ARID2: variants seen among roughly 807,000 people sequenced by gnomAD.
ARID2 encodes AT-rich interaction domain 2, also known as AT-rich interactive domain-containing protein 2.
ARID2 carries 32 observed loss-of-function variants against 184.6 expected under a neutral mutation model. The observed-to-expected ratio is 0.17, with a 90% CI of 0.13 to 0.23. The LOEUF (loss-of-function observed/expected upper bound fraction) is 0.23, where lower values mean the gene tolerates loss of function less well. Ranked by LOEUF, ARID2 falls within the 10% of genes least tolerant of loss-of-function variation. The pLI, the probability that ARID2 is intolerant of heterozygous loss-of-function variation, is 1.00. For missense variants in ARID2, 1,696 were observed against 2,197.6 expected, an observed-to-expected ratio of 0.77 and a Z score of 4.56; for synonymous variants, 836 against 772.6, an observed-to-expected ratio of 1.08 and a Z score of -1.36.
chr12:45,901,004 A>G (rs1246500508), intron 20 of ARID2, among the ~76,000 whole-genome samples: 8 of 151,576 alleles, frequency 5.3e-5, no homozygotes, highest in Non-Finnish European at 8.8e-5. Flanking sequence ...TGTTGTTTTC[A>G]TTGAAGTCAT....
chr12:45,849,844 T>C (rs1943509493), intron 14 of ARID2, 68 bp downstream of exon 14: 2 of 1,470,204 alleles, frequency 1.4e-6, no homozygotes, highest in Non-Finnish European at 1.8e-6. Context: ...AAAATATATA[T>C]TCTATGCATT....
intron 11 of ARID2, chr12:45,841,709 T>C (rs1316035612): frequency 1.3e-5 from 2 of 152,240 alleles, no homozygotes; most frequent in African/African-American, 4.8e-5. Flanking sequence ...ACAGTGCTTT[T>C]TGTATGCAGT....
At position 45,729,825 on chromosome 12, in the gene ARID2, T is replaced by G. The variant is rs371270329; in HGVS notation, c.-12T>G. On this transcript the variant is annotated 5_prime_UTR_variant, in exon 1 of 21. Transcript: ENST00000334344. ...CGATCTGGGTTTTTTAAAAACCTCCTTTGAAAAAATAATGGCAAACTCGAC... is the reference window on the plus strand; with the variant it reads ...CGATCTGGGTTTTTTAAAAACCTCCGTTGAAAAAATAATGGCAAACTCGAC... 4.4e-5 allele frequency: 71 copies of G among 1,603,442 alleles called. No homozygotes were observed. Among genetic ancestry groups the G allele is most frequent in the African/African-American group, 6.7e-5 (5 of 74,672 alleles).
chr12:45,905,231 T>A lies in ARID2; in HGVS notation c.*153T>A. 1 of 652,032 alleles carries A rather than the reference T, an allele frequency of 1.5e-6. No individual in the cohort carries two copies. Among genetic ancestry groups the A allele is most frequent in the Non-Finnish European group, 2.3e-6 (1 of 429,924 alleles). 40.4% of individuals were successfully genotyped at this position (652,032 alleles called of 1,614,324 possible). A position where few individuals can be genotyped will look rare whatever the true frequency, so the allele number is the denominator to read the frequency against. On this transcript the variant is annotated 3_prime_UTR_variant, in exon 21 of 21. Transcript: ENST00000334344. ...GCTGAGAGGAAGCTTCGTATTCTGATCTCTGAGTGAATCCCTTTGTTCTCT... is the reference window on the plus strand; with the variant it reads ...GCTGAGAGGAAGCTTCGTATTCTGAACTCTGAGTGAATCCCTTTGTTCTCT...
At chr12:45,902,337 T>A (rs965771601) in intron 20 of ARID2, among the ~76,000 whole-genome samples, 2 of 152,156 alleles carry the variant, frequency 1.3e-5, no homozygotes, top group Non-Finnish European at 2.9e-5. Flanking sequence ...ATCATCCTAG[T>A]GATTTCAGTT....
intron 3 of ARID2, among the ~76,000 whole-genome samples, chr12:45,763,792 A>G (rs1326740078): frequency 6.6e-6 from 1 of 152,070 alleles, no homozygotes; most frequent in Non-Finnish European, 1.5e-5. Context: ...TGCCTGGCTG[A>G]TTGTTATTGT....
chr12:45,743,924 A>G (rs902959318), intron 3 of ARID2, among the ~76,000 whole-genome samples: 26 of 152,292 alleles, frequency 1.7e-4, no homozygotes, highest in Non-Finnish European at 3.8e-4. Context: ...TTATTTATAT[A>G]AAAGCTGTTG....
At chr12:45,733,486 T>C (rs1291345946) in intron 3 of ARID2, among the ~76,000 whole-genome samples, 1 of 152,248 alleles carries the variant, frequency 6.6e-6, no homozygotes, top group East Asian at 1.9e-4. Flanking sequence ...TCATCATTAC[T>C]GATGAGCAGA....
At chr12:45,900,130 G>A (rs934486588) in intron 20 of ARID2, among the ~76,000 whole-genome samples, 13 of 151,898 alleles carry the variant, frequency 8.6e-5, no homozygotes, top group African/African-American at 2.2e-4. Flanking sequence ...GCGTGATCTC[G>A]GCTCATTTCA....
chr12:45,815,589 CT>C (rs1942790285), intron 4 of ARID2, among the ~76,000 whole-genome samples: 1 of 149,864 alleles, frequency 6.7e-6, no homozygotes, highest in African/African-American at 2.5e-5. Context: ...TTGCATCCTA[CT>C]TAAAGAGATT....
At chr12:45,801,861 A>G (rs1241984329) in intron 3 of ARID2, among the ~76,000 whole-genome samples, 1 of 152,138 alleles carries the variant, frequency 6.6e-6, no homozygotes, top group African/African-American at 2.4e-5. Context: ...CATATAAACA[A>G]TTGGTGTATC....
chr12:45,850,425 G>A lies in ARID2; in HGVS notation c.2302G>A (p.Val768Ile), dbSNP rs1357948834. ...TCAGACATTGCTTCACCATCCATCT[G>A]TAATTCCACAGCAGTCTCCATTACA... ...NSQTLLHHPSVIPQQSPLHTV... is the reference protein window; with the variant it reads ...NSQTLLHHPSIIPQQSPLHTV... The change falls in exon 15 of 21, where the codon GTA (valine) becomes ATA (isoleucine). Residue 768 changes from valine (V) to isoleucine (I), a missense_variant. By Grantham distance (29) the Val-to-Ile change is conservative. Coordinates refer to ENST00000334344, the MANE Select transcript of ARID2 (RefSeq NM_152641.4). The A allele has an allele frequency of 6.8e-6, 11 of 1,614,012 alleles. No individual in the cohort carries two copies. The highest frequency in any genetic ancestry group is 9.3e-6 in the Non-Finnish European group (11 of 1,179,966).
intron 15 of ARID2, among the ~76,000 whole-genome samples, chr12:45,855,226 A>G (rs1199740225): frequency 2.0e-5 from 3 of 152,238 alleles, no homozygotes; most frequent in Non-Finnish European, 2.9e-5. Flanking sequence ...AAAATGCTTT[A>G]CTTAGCACAT....
chr12:45,797,874 A>T (rs1942419656), intron 3 of ARID2, among the ~76,000 whole-genome samples: 1 of 151,950 alleles, frequency 6.6e-6, no homozygotes, highest in Non-Finnish European at 1.5e-5. Context: ...ATCTTTTAAT[A>T]TATTATTTTT....
chr12:45,893,387 T>TTCTCTCTC, intron 18 of ARID2, 33 bp from the exon 19 acceptor site: 3 of 1,462,722 alleles, frequency 2.1e-6, no homozygotes, highest in African/African-American at 1.4e-5. Flanking sequence ...ATCACGTTAA[T>TTCTCTCTC]TCTCTCTCTC....
At chr12:45,737,840 G>GGCACCTGCTCAAGCT (rs1160225165) in intron 3 of ARID2, among the ~76,000 whole-genome samples, 1 of 152,032 alleles carries the variant, frequency 6.6e-6, no homozygotes, top group Non-Finnish European at 1.5e-5. Flanking sequence ...CTGGTCTAGG[G>GGCACCTGCTCAAGCT]GCACCTGCTC....
chr12:45,730,343 T>G (rs1399335059), intron 2 of ARID2, among the ~76,000 whole-genome samples: 1 of 145,738 alleles, frequency 6.9e-6, no homozygotes, highest in Non-Finnish European at 1.5e-5. Context: ...GGCGCGGGGC[T>G]CCGGCGGGCG....
chr12:45,802,012 C>G (rs1942512154), intron 3 of ARID2, among the ~76,000 whole-genome samples: 1 of 152,084 alleles, frequency 6.6e-6, no homozygotes, highest in Admixed American at 6.5e-5. Context: ...TTGGAAAATC[C>G]TTTTTTCTGG....
At chr12:45,846,398 G>A (rs1024281442) in intron 11 of ARID2, among the ~76,000 whole-genome samples, 2 of 152,054 alleles carry the variant, frequency 1.3e-5, no homozygotes, top group Non-Finnish European at 2.9e-5. Context: ...TTTCAGCTGC[G>A]TTCTGCTTCC....
Sources: gnomAD v4.1 joint callset for allele counts (sites outside exome capture counted in the v4.1 genomes callset) on GRCh38, gnomAD v4.1.1 for gene constraint, MANE v1.5 for transcripts, NCBI Gene and HGNC (gene_info 2026-07-23, HGNC 2026-07-21) for gene names.